XAGE3: variants seen among roughly 807,000 people sequenced by gnomAD.
XAGE3 encodes the protein X antigen family member 3.
A neutral mutation model predicts 9.2 loss-of-function variants in XAGE3; 6 were observed. The observed-to-expected ratio is 0.65, with a 90% CI of 0.36 to 1.29. XAGE3 has a LOEUF of 1.29. Among genes scored for constraint, XAGE3 ranks in the 50% most tolerant of loss-of-function variants. The pLI is 0.03. For synonymous variants in XAGE3, 26 were observed against 28.2 expected (o/e 0.92, Z 0.25); for missense variants, 70 against 82.8 (o/e 0.85, Z 0.60).
At chrX:52,867,451 T>G in intron 1 of XAGE3, 2 of 222,106 alleles carry the variant, frequency 9.0e-6, no homozygotes, top group Non-Finnish European at 1.6e-5. Context: ...AAAACTGCAG[T>G]GACCACGGCT....
chrX:52,866,946 A>G lies in XAGE3; in HGVS notation c.81+107T>C, dbSNP rs1236382409. 7.8e-6 allele frequency: 6 copies of G among 764,807 alleles called. No homozygotes were observed. The East Asian group carries it at 1.6e-4, about 20-fold the overall frequency. 63.0% of individuals were successfully genotyped at this position (764,807 alleles called of 1,213,427 possible). On this transcript the variant is annotated intron_variant, in intron 2 of 4. Transcript: ENST00000346279. ...CTCAGCATGGGAGACCTTTATTGGT[A>G]TATCTATACTGGTTCAACAACAATT...
chrX:52,862,532 G>A lies in XAGE3; in HGVS notation c.*86C>T, dbSNP rs1436693700. On this transcript the variant is annotated 3_prime_UTR_variant, in exon 5 of 5. Transcript: ENST00000346279. Reference sequence around the variant, plus strand: ...ACAAAAAATGTGCAAGACTTCTTTGGAGAAAGCTGCAAAAGTTTATTTCGA... The same window carrying A: ...ACAAAAAATGTGCAAGACTTCTTTGAAGAAAGCTGCAAAAGTTTATTTCGA... 1 of 1,122,731 alleles carries A rather than the reference G, an allele frequency of 8.9e-7. No homozygotes were observed. Among genetic ancestry groups the A allele is most frequent in the Non-Finnish European group, 1.2e-6 (1 of 826,513 alleles). The allele number at this position is 1,122,731 out of a possible 1,213,427, so 92.5% of individuals were successfully genotyped here.
At position 52,867,402 on chromosome X, in the gene XAGE3, C is replaced by T. The variant is rs1459926922; in HGVS notation, c.-8-261G>A. ...AGGTTTGGTTTCACAACTGAACTCT[C>T]CTCCGTGGAGACATTTGGGAAAATA... is the stretch of plus-strand genomic sequence containing the variant. On this transcript the variant is annotated intron_variant, in intron 1 of 4. Transcript: ENST00000346279. The T allele has an allele frequency of 1.4e-5, 4 of 290,859 alleles. No individual in the cohort carries two copies. The Admixed American group carries it at 2.3e-4, about 17-fold the overall frequency. The allele number at this position is 290,859 out of a possible 1,213,427, so 24.0% of individuals were successfully genotyped here.
At chrX:52,863,979 AT>A (rs1927823248) in intron 4 of XAGE3, among the ~76,000 whole-genome samples, 1 of 111,819 alleles carries the variant, frequency 8.9e-6, no homozygotes, top group South Asian at 3.7e-4. Context: ...ACAATTGAGG[AT>A]TGCTCAATGG....
At chrX:52,865,342 T>C (rs1482063862) in intron 3 of XAGE3, among the ~76,000 whole-genome samples, 2 of 111,704 alleles carry the variant, frequency 1.8e-5, no homozygotes, top group Non-Finnish European at 3.8e-5. Context: ...CCAAAGGCCC[T>C]ATATGTAACT....
At chrX:52,864,079 C>T (rs1236605523) in intron 4 of XAGE3, among the ~76,000 whole-genome samples, 5 of 111,884 alleles carry the variant, frequency 4.5e-5, no homozygotes, top group Non-Finnish European at 9.4e-5. Context: ...TAGGCAATTT[C>T]TTCCATAAAT....
At chrX:52,867,761 C>T (rs781787073) in intron 1 of XAGE3, among the ~76,000 whole-genome samples, 1 of 111,135 alleles carries the variant, frequency 9.0e-6, no homozygotes, top group South Asian at 3.8e-4. Context: ...TGCCCCAGCA[C>T]CCCCAGCACT....
chrX:52,867,292 C>T (rs1927915725), intron 1 of XAGE3, 151 bp from the exon 2 acceptor site: 1 of 471,190 alleles, frequency 2.1e-6, no homozygotes, highest in African/African-American at 2.5e-5. Flanking sequence ...TGTGTGCCTT[C>T]TGAATGCTTG....
chrX:52,867,384 G>C (rs5943752), intron 1 of XAGE3: 24,438 of 332,758 alleles, frequency 0.073, 975 homozygotes, highest in East Asian at 0.24. Flanking sequence ...ATGAGGTTTG[G>C]TTTCACAACT....
At chrX:52,867,350 C>T (rs1452104904) in intron 1 of XAGE3, 1 of 381,057 alleles carries the variant, frequency 2.6e-6, no homozygotes, top group African/African-American at 2.6e-5. Context: ...CTTAAGGCTC[C>T]TGGCAAAAGA....
At chrX:52,865,610 A>T (rs372067343) in intron 3 of XAGE3, among the ~76,000 whole-genome samples, 20 of 112,295 alleles carry the variant, frequency 1.8e-4, no homozygotes, top group African/African-American at 5.8e-4. Flanking sequence ...TTTTCTAATT[A>T]TAAAAGTATA....
Position 52,864,888 on chromosome X carries a change from T to A in XAGE3, c.200A>T (p.Glu67Val), listed in dbSNP as rs376377950. The A allele has an allele frequency of 2.1e-4, 256 of 1,209,162 alleles. No homozygotes were observed. The highest frequency in any genetic ancestry group is 2.7e-4 in the Non-Finnish European group (244 of 894,929). The change falls in exon 4 of 5, where the codon GAA becomes GTA. Residue 67 changes from glutamate to valine, a missense_variant. Glu to Val is a moderately radical substitution (Grantham distance 121). Transcript: ENST00000346279. ...CTGAGACAGCTCCTGGAGATCAGCT[T>A]CCAGGTCAGGCACTAAAAAATACAA... Reference protein sequence around the residue: ...GAAETQVPDLEADLQELSQSK... With the variant: ...GAAETQVPDLVADLQELSQSK...
Position 52,867,987 on chromosome X carries a change from G to C in XAGE3, c.-9+19C>G, listed in dbSNP as rs1556784682. 1 of 110,736 alleles carries C rather than the reference G, an allele frequency of 9.0e-6. No homozygotes were observed. Among genetic ancestry groups the C allele is most frequent in the Non-Finnish European group, 1.9e-5 (1 of 52,880 alleles). 9.1% of individuals were successfully genotyped at this position (110,736 alleles called of 1,213,427 possible). ...GCACTCACACTTCAACCCTTGGGAG[G>C]ACTGGCCTGCGGACCTACCAGCTGC... On this transcript the variant is annotated intron_variant, in intron 1 of 4. Transcript: ENST00000346279.
At chrX:52,863,025 G>A (rs1264005715) in intron 4 of XAGE3, among the ~76,000 whole-genome samples, 2 of 112,277 alleles carry the variant, frequency 1.8e-5, no homozygotes, top group African/African-American at 3.2e-5. Flanking sequence ...TACAAACAAT[G>A]TATCATGTAA....
In XAGE3 at chrX:52,866,484, G is replaced by T. The variant is rs782476082; in HGVS notation, c.136C>A (p.Pro46Thr). The change falls in exon 3 of 5, where the codon CCT (proline) becomes ACT (threonine). Residue 46 changes from proline (P) to threonine (T), a missense_variant. Pro to Thr is a conservative substitution (Grantham distance 38, BLOSUM62 -1). Transcript: ENST00000346279. ...TCTTCTCTCTCCTGACCAGGTGCAGGATCCCGACTTTCAGTTGGTGGTTCC... is the reference window on the plus strand; with the variant it reads ...TCTTCTCTCTCCTGACCAGGTGCAGTATCCCGACTTTCAGTTGGTGGTTCC... ...QEEPPTESRDPAPGQEREEDQ... is the reference protein window; with the variant it reads ...QEEPPTESRDTAPGQEREEDQ... 6.6e-6 allele frequency: 8 copies of T among 1,211,051 alleles called. No homozygotes were observed. Among genetic ancestry groups the T allele is most frequent in the Non-Finnish European group, 8.9e-6 (8 of 895,353 alleles).
chrX:52,867,631 C>T (rs1927926131), intron 1 of XAGE3, among the ~76,000 whole-genome samples: 1 of 110,666 alleles, frequency 9.0e-6, no homozygotes, highest in African/African-American at 3.3e-5. Context: ...CTCAGGGCCA[C>T]AGTCACCAAC....
At chrX:52,867,674 C>T (rs782538949) in intron 1 of XAGE3, among the ~76,000 whole-genome samples, 2 of 110,781 alleles carry the variant, frequency 1.8e-5, no homozygotes, top group Middle Eastern at 4.6e-3. Flanking sequence ...CCTTAATGCC[C>T]ACCCTGCTCC....
chrX:52,864,718 A>C, intron 4 of XAGE3, 57 bp downstream of exon 4: 1 of 1,182,598 alleles, frequency 8.5e-7, no homozygotes, highest in South Asian at 1.8e-5. Context: ...GTTCTCTTTT[A>C]TTATCAAAAG....
At chrX:52,863,537 T>C (rs1400214794) in intron 4 of XAGE3, among the ~76,000 whole-genome samples, 2 of 112,270 alleles carry the variant, frequency 1.8e-5, no homozygotes, top group African/African-American at 6.5e-5. Context: ...ACACTCTTTG[T>C]GATGCTTAGA....
Sources: gnomAD v4.1 joint callset for allele counts (sites outside exome capture counted in the v4.1 genomes callset) on GRCh38, gnomAD v4.1.1 for gene constraint, MANE v1.5 for transcripts, NCBI Gene and HGNC (gene_info 2026-07-23, HGNC 2026-07-21) for gene names.